Variants in CFHR5 observed in about 807,000 individuals in gnomAD.
CFHR5 encodes the protein complement factor H related 5.
CFHR5 carries 73 observed loss-of-function variants against 62.9 expected under a neutral mutation model. That is an observed-to-expected ratio of 1.16 (90% CI 0.96 to 1.41). CFHR5 has a LOEUF of 1.41. Ranked by LOEUF, CFHR5 falls within the 40% of genes most tolerant of loss-of-function variation. The probability of loss-of-function intolerance (pLI) is 0.00; values close to 1 mark genes in which losing one functional copy is unlikely to be tolerated. For synonymous variants in CFHR5, 249 were observed against 227.2 expected, an observed-to-expected ratio of 1.10 and a Z score of -0.86; for missense variants, 779 against 679.9, an observed-to-expected ratio of 1.15 and a Z score of -1.62.
rs752894097 is a variant in CFHR5, at chr1:196,983,021, C to A, written c.195C>A (p.Ser65=). The A allele has an allele frequency of 6.8e-6, 11 of 1,613,872 alleles. No individual in the cohort carries two copies. In the Admixed American group the frequency reaches 1.2e-4, roughly 17 times the overall value. Residue 65 remains serine (S), a synonymous_variant, in exon 2 of 10, where the codon TCC becomes TCA. Coordinates refer to ENST00000256785, the MANE Select transcript of CFHR5 (RefSeq NM_030787.4). ...CEYNFVSPSK[S]FWTRITCTEE... is the part of the protein sequence containing the mutation. Reference sequence around the variant, plus strand: ...ATAATTTTGTGTCTCCTTCAAAATCCTTTTGGACTCGCATAACATGCACAG... The same window carrying A: ...ATAATTTTGTGTCTCCTTCAAAATCATTTTGGACTCGCATAACATGCACAG...
At position 196,996,018 on chromosome 1, in the gene CFHR5, T is replaced by A. The variant is rs748254225; in HGVS notation, c.791-4T>A. 3 of 1,613,586 alleles carry A rather than the reference T, an allele frequency of 1.9e-6. No individual in the cohort carries two copies. In the Admixed American group the frequency reaches 5.0e-5, roughly 27 times the overall value. The stretch of plus-strand genomic sequence containing the variant: ...TAAGCACTCATTTTATTACATTTTC[T>A]TAGAACAAGTGAAAACATGTGGATA... On this transcript the variant is annotated splice_region_variant and splice_polypyrimidine_tract_variant and intron_variant, in intron 5 of 9. Transcript: ENST00000256785.
At position 196,996,070 on chromosome 1, in the gene CFHR5, T is replaced by G; in HGVS notation, c.839T>G (p.Val280Gly). 6.2e-7 allele frequency: 1 copy of G among 1,613,970 alleles called. No individual in the cohort carries two copies. The highest frequency in any genetic ancestry group is 8.5e-7 in the Non-Finnish European group (1 of 1,179,888). ...GYIPELEYGY[V>G]QPSVPPYQHG... ...ATACCTGAACTCGAGTACGGTTATGTTCAGCCGTCTGTCCCTCCCTATCAA... is the reference window on the plus strand; with the variant it reads ...ATACCTGAACTCGAGTACGGTTATGGTCAGCCGTCTGTCCCTCCCTATCAA... The change falls in exon 6 of 10, where the codon GTT (valine) becomes GGT (glycine). Residue 280 changes from valine (V) to glycine (G), a missense_variant. Val to Gly is a moderately radical substitution (Grantham distance 109). Coordinates refer to ENST00000256785, the MANE Select transcript of CFHR5 (RefSeq NM_030787.4).
chr1:197,007,647 A>T (rs908542712), intron 9 of CFHR5, among the ~76,000 whole-genome samples: 15 of 148,912 alleles, frequency 1.0e-4, no homozygotes, highest in Non-Finnish European at 2.1e-4. Flanking sequence ...ACATATATGT[A>T]TACACATATA....
chr1:196,986,396 T>C (rs1451406893), intron 3 of CFHR5, among the ~76,000 whole-genome samples: 2 of 152,012 alleles, frequency 1.3e-5, no homozygotes, highest in African/African-American at 4.8e-5. Context: ...ATACTTTAAG[T>C]TCTAGGGTAC....
intron 6 of CFHR5, 48 bp downstream of exon 6, chr1:196,996,249 T>C (rs774248890): frequency 1.4e-6 from 2 of 1,437,416 alleles, no homozygotes; most frequent in Non-Finnish European, 2.0e-6. Flanking sequence ...ATCATTTTGA[T>C]TGGGATTGTA....
Position 197,002,659 on chromosome 1 carries a change from G to C in CFHR5, c.1325G>C (p.Cys442Ser). 6.2e-7 allele frequency: 1 copy of C among 1,611,514 alleles called. No individual in the cohort carries two copies. Residue 442 changes from cysteine to serine, a missense_variant, in exon 8 of 10, where the codon TGT becomes TCT. Coordinates refer to ENST00000256785, the MANE Select transcript of CFHR5 (RefSeq NM_030787.4). ...GGACGATGGCAATCATTACCACGCT[G>C]TGTTGGTTAGTAGTTTATTTCTAAG... is the stretch of plus-strand genomic sequence containing the variant. The part of the protein sequence containing the change: ...KDGRWQSLPR[C>S]VESTAYCGPP...
chr1:197,005,425 A>C (rs1317323483), intron 9 of CFHR5, among the ~76,000 whole-genome samples: 3 of 152,156 alleles, frequency 2.0e-5, no homozygotes. Flanking sequence ...CAATATACAT[A>C]TTAAGTTTCC....
chr1:196,989,205 C>T (rs1038465409), intron 3 of CFHR5, among the ~76,000 whole-genome samples: 7 of 152,060 alleles, frequency 4.6e-5, no homozygotes, highest in Admixed American at 2.0e-4. Flanking sequence ...TCTGTGGGAT[C>T]GGTGGTGATA....
At chr1:196,989,455 T>C (rs528510645) in intron 3 of CFHR5, among the ~76,000 whole-genome samples, 60 of 152,300 alleles carry the variant, frequency 3.9e-4, no homozygotes, top group Admixed American at 2.6e-3. Flanking sequence ...CTTTCAATTG[T>C]GATCTTAGAG....
intron 3 of CFHR5, among the ~76,000 whole-genome samples, chr1:196,993,679 G>T (rs1464542753): frequency 1.3e-5 from 2 of 151,852 alleles, no homozygotes; most frequent in Non-Finnish European, 2.9e-5. Flanking sequence ...GTTACTTGAA[G>T]GAATTTTTTG....
chr1:196,976,851 C>G (rs1653406588), upstream of CFHR5, among the ~76,000 whole-genome samples: 1 of 133,032 alleles, frequency 7.5e-6, no homozygotes. Flanking sequence ...GTCGCCCAGG[C>G]TGGAGTGCAG....
chr1:197,002,684 G>A lies in CFHR5; in HGVS notation c.1330+20G>A, dbSNP rs756361711. 1.3e-6 allele frequency: 2 copies of A among 1,594,098 alleles called. No homozygotes were observed. Among genetic ancestry groups the A allele is most frequent in the Non-Finnish European group, 1.7e-6 (2 of 1,162,712 alleles). On this transcript the variant is annotated intron_variant, in intron 8 of 9. Coordinates refer to ENST00000256785, the MANE Select transcript of CFHR5 (RefSeq NM_030787.4). ...GTGTTGGTTAGTAGTTTATTTCTAA[G>A]TAATTTCACTTAAAAAGAGGTTATT...
rs923543554 is a variant in CFHR5, at chr1:196,994,105, A to C, written c.456A>C (p.Leu152Phe). Reference protein sequence around the residue: ...FTKGECHVPILEANVDAQPKK... With the variant: ...FTKGECHVPIFEANVDAQPKK... ...AAGGAGAATGTCATGTTCCAATTTT[A>C]GAAGCCAATGTAGATGCTCAGCCAA... Residue 152 changes from leucine (L) to phenylalanine (F), a missense_variant, in exon 4 of 10, where the codon TTA becomes TTC. Coordinates refer to ENST00000256785, the MANE Select transcript of CFHR5 (RefSeq NM_030787.4). 1 of 1,613,182 alleles carries C rather than the reference A, an allele frequency of 6.2e-7. No homozygotes were observed. Among genetic ancestry groups the C allele is most frequent in the Non-Finnish European group, 8.5e-7 (1 of 1,179,564 alleles).
At chr1:196,994,998 A>G (rs1182906964) in intron 4 of CFHR5, among the ~76,000 whole-genome samples, 4 of 152,160 alleles carry the variant, frequency 2.6e-5, no homozygotes, top group Non-Finnish European at 4.4e-5. Flanking sequence ...GGTTCTTCCC[A>G]CAACACATAG....
intron 8 of CFHR5, among the ~76,000 whole-genome samples, 183 bp downstream of exon 8, chr1:197,002,847 T>C (rs1558290412): frequency 6.6e-6 from 1 of 152,196 alleles, no homozygotes; most frequent in Non-Finnish European, 1.5e-5. Flanking sequence ...CCAACAGTGT[T>C]CATAGAAGAA....
At position 197,008,785 on chromosome 1, in the gene CFHR5, T is replaced by C. The variant is rs2125041910; in HGVS notation, c.*102T>C. 3 of 983,826 alleles carry C rather than the reference T, an allele frequency of 3.0e-6. No individual in the cohort carries two copies. The East Asian group carries it at 7.6e-5, about 25-fold the overall frequency. 60.9% of individuals were successfully genotyped at this position (983,826 alleles called of 1,614,324 possible). A position where few individuals can be genotyped will look rare whatever the true frequency, so the allele number is the denominator to read the frequency against. The stretch of plus-strand genomic sequence containing the variant: ...TAGTTACTTCTTTTATTCTTTCAGG[T>C]GTTGTTTAACTCAGTTTTATTTAGA... On this transcript the variant is annotated 3_prime_UTR_variant, in exon 10 of 10. Coordinates refer to ENST00000256785, the MANE Select transcript of CFHR5 (RefSeq NM_030787.4).
intron 1 of CFHR5, among the ~76,000 whole-genome samples, chr1:196,979,252 TTGTCTGTGTGTG>T (rs1653474032): frequency 9.9e-6 from 1 of 100,932 alleles, no homozygotes; most frequent in African/African-American, 5.2e-5. Context: ...ATATAGGTAA[TTGTCTGTGTGTG>T]TGTGTGTGTG....
rs138021792 is a variant in CFHR5, at chr1:196,984,388, T to C, written c.430+251T>C. Among the ~76,000 whole-genome samples the C allele has an allele frequency of 7.1e-3, 1,083 of 152,308 alleles. 14 individuals are homozygous for C. Among genetic ancestry groups the C allele is most frequent in the African/African-American group, 0.025 (1,031 of 41,578 alleles). ...GAAGATAATCCATTAATGTAACAAC[T>C]GTTTGTTGTTTATATTGTCAGGTTA... On this transcript the variant is annotated intron_variant, in intron 3 of 9. Coordinates refer to ENST00000256785, the MANE Select transcript of CFHR5 (RefSeq NM_030787.4).
rs1271302524 is a variant in CFHR5 at position 197,008,511 on chromosome 1, A to T, written c.1538A>T (p.Asn513Ile). ...CLDPCVVSEE[N>I]MNKNNIQLKW... is the part of the protein sequence containing the mutation. ...GATCCATGTGTGGTATCTGAAGAAA[A>T]CATGAACAAAAATAACATACAGTTA... Residue 513 changes from asparagine (N) to isoleucine (I), a missense_variant, in exon 10 of 10, where the codon AAC becomes ATC. Transcript: ENST00000256785. 1.9e-6 allele frequency: 3 copies of T among 1,608,968 alleles called. No individual in the cohort carries two copies. The highest frequency in any genetic ancestry group is 2.5e-6 in the Non-Finnish European group (3 of 1,176,842).
Sources: allele counts gnomAD v4.1 joint callset (sites outside exome capture counted in the v4.1 genomes callset), GRCh38; gene constraint gnomAD v4.1.1; transcripts MANE v1.5; gene names NCBI Gene and HGNC (gene_info 2026-07-23, HGNC 2026-07-21).